The following SLIT2 variants were observed in gnomAD, a reference collection of about 807,000 sequenced individuals.
SLIT2 encodes the protein slit guidance ligand 2.
A neutral mutation model predicts 185.7 loss-of-function variants in SLIT2; 41 were observed. The ratio of observed to expected loss-of-function variants is 0.22; its 90% CI spans 0.17 to 0.29. SLIT2 has a LOEUF of 0.29. SLIT2 is among the 10% of genes least tolerant of loss of function. SLIT2 has a pLI of 1.00. For missense variants in SLIT2, 1,571 were observed against 1,909.0 expected (o/e 0.82, Z 3.30); for synonymous variants, 693 against 680.2 (o/e 1.02, Z -0.29).
At chr4:20,570,737 A>ATATATATATATATATATG (rs1725526242) in intron 29 of SLIT2, among the ~76,000 whole-genome samples, 10 of 77,288 alleles carry the variant, frequency 1.3e-4, no homozygotes, top group Non-Finnish European at 2.0e-4. Context: ...ATATGTATAT[A>ATATATATATATATATATG]TATATATATA....
intron 4 of SLIT2, among the ~76,000 whole-genome samples, chr4:20,451,264 A>G (rs780607873): frequency 6.6e-6 from 1 of 152,074 alleles, no homozygotes; most frequent in Admixed American, 6.5e-5. Context: ...GACATTTTCC[A>G]TGGGGGATAA....
Position 20,396,372 on chromosome 4 carries a change from T to G in SLIT2, c.396-71380T>G, listed in dbSNP as rs562782082. On this transcript the variant is annotated intron_variant, in intron 4 of 36. Transcript: ENST00000504154. ...ATAGCTCATTAATGTTCAGATATTT[T>G]TCTCCACTACCACAAGACTGATCAC... Among the ~76,000 whole-genome samples the G allele has an allele frequency of 5.2e-4, 79 of 151,990 alleles. No individual in the cohort carries two copies. In the South Asian group the frequency reaches 0.014, roughly 28 times the overall value.
At chr4:20,477,294 T>C (rs1716226022) in intron 5 of SLIT2, among the ~76,000 whole-genome samples, 1 of 151,934 alleles carries the variant, frequency 6.6e-6, no homozygotes, top group Non-Finnish European at 1.5e-5. Flanking sequence ...CTCCACCTCC[T>C]GGGTTCAAGC....
At chr4:20,341,093 G>A (rs1358151868) in intron 4 of SLIT2, among the ~76,000 whole-genome samples, 1 of 152,198 alleles carries the variant, frequency 6.6e-6, no homozygotes, top group Non-Finnish European at 1.5e-5. Flanking sequence ...CCAGTGTAGG[G>A]CCTTCAAAAC....
chr4:20,609,031 C>G (rs1578017759), intron 33 of SLIT2, among the ~76,000 whole-genome samples: 1 of 152,074 alleles, frequency 6.6e-6, no homozygotes, highest in African/African-American at 2.4e-5. Flanking sequence ...AACACTGCAC[C>G]GTGTATTGGT....
intron 4 of SLIT2, among the ~76,000 whole-genome samples, chr4:20,327,296 A>T (rs1719674787): frequency 6.6e-6 from 1 of 151,968 alleles, no homozygotes; most frequent in African/African-American, 2.4e-5. Context: ...TCCCCTTCCA[A>T]CTGCTTATTT....
Position 20,442,547 on chromosome 4 carries a change from G to A in SLIT2, c.396-25205G>A, listed in dbSNP as rs866419361. ...TCAAAAAAAAAAAAAAAAAAAAGGG[G>A]GGGGAGGGACCGATTTTATGAAGGT... On this transcript the variant is annotated intron_variant, in intron 4 of 36. Coordinates refer to ENST00000504154, the MANE Select transcript of SLIT2 (RefSeq NM_004787.4). Among the ~76,000 whole-genome samples the A allele has an allele frequency of 3.3e-5, 5 of 151,286 alleles. No homozygotes were observed. The South Asian group carries it at 6.2e-4, about 19-fold the overall frequency.
chr4:20,427,795 C>G (rs1728672094), intron 4 of SLIT2, among the ~76,000 whole-genome samples: 2 of 150,934 alleles, frequency 1.3e-5, no homozygotes, highest in Non-Finnish European at 2.9e-5. Context: ...CTCTTCAGGT[C>G]TTTTTCCCCC....
chr4:20,431,745 C>T (rs972128097), intron 4 of SLIT2, among the ~76,000 whole-genome samples: 4 of 152,158 alleles, frequency 2.6e-5, no homozygotes, highest in Non-Finnish European at 5.9e-5. Flanking sequence ...TTGTTCATTT[C>T]CTCTACTTCA....
rs376169496 is a variant in SLIT2, at chr4:20,555,358, C to A, written c.2725+1390C>A. On this transcript the variant is annotated intron_variant, in intron 26 of 36. Transcript: ENST00000504154. ...TGCAGTGTGAGCTCTGAAGCCCAGC[C>A]TGGCTGGAGCCAAATTCCAGCTTCA... is the stretch of plus-strand genomic sequence containing the variant. 1.9e-4 allele frequency among the ~76,000 whole-genome samples: 29 copies of A among 152,162 alleles called. No individual in the cohort carries two copies. The South Asian group carries it at 5.8e-3, about 30-fold the overall frequency.
intron 5 of SLIT2, among the ~76,000 whole-genome samples, chr4:20,468,234 A>T (rs1484407318): frequency 6.6e-6 from 1 of 152,092 alleles, no homozygotes; most frequent in East Asian, 1.9e-4. Flanking sequence ...TTTCAAGATT[A>T]CTAGAAGTGC....
chr4:20,332,418 G>T (rs929433546), intron 4 of SLIT2, among the ~76,000 whole-genome samples: 2 of 152,200 alleles, frequency 1.3e-5, no homozygotes, highest in African/African-American at 2.4e-5. Context: ...AAGTTAAAAC[G>T]AAATAAAGGG....
chr4:20,535,384 T>C (rs1722180374), intron 18 of SLIT2, among the ~76,000 whole-genome samples: 2 of 151,880 alleles, frequency 1.3e-5, no homozygotes, highest in Admixed American at 1.3e-4. Flanking sequence ...TCTAACCTTT[T>C]CCAGAGTTGT....
chr4:20,278,662 C>T (rs1266219764), intron 4 of SLIT2, among the ~76,000 whole-genome samples: 1 of 151,868 alleles, frequency 6.6e-6, no homozygotes, highest in African/African-American at 2.4e-5. Flanking sequence ...AAACACAAAA[C>T]ATTGTCCAGA....
At chr4:20,309,041 T>G (rs1041518004) in intron 4 of SLIT2, among the ~76,000 whole-genome samples, 4 of 152,166 alleles carry the variant, frequency 2.6e-5, no homozygotes, top group Non-Finnish European at 5.9e-5. Context: ...TTCATCATTA[T>G]TATCATAATT....
At chr4:20,326,186 T>C (rs1273994380) in intron 4 of SLIT2, among the ~76,000 whole-genome samples, 1 of 152,118 alleles carries the variant, frequency 6.6e-6, no homozygotes, top group Non-Finnish European at 1.5e-5. Flanking sequence ...TTAAGGATGA[T>C]TCTGTCTGCA....
Position 20,465,882 on chromosome 4 carries a change from G to C in SLIT2, c.396-1870G>C, listed in dbSNP as rs28515562. Among the ~76,000 whole-genome samples the C allele has an allele frequency of 7.9e-3, 1,198 of 152,154 alleles. 17 individuals carry two copies. The highest frequency in any genetic ancestry group is 0.028 in the African/African-American group (1,148 of 41,530). On this transcript the variant is annotated intron_variant, in intron 4 of 36. Transcript: ENST00000504154. ...TGACATAGCCCCAGCTGTTGGGAAG[G>C]GGAAGGCTGCAGAGCCTAGGAGCAG...
At chr4:20,459,286 T>TA (rs1470912279) in intron 4 of SLIT2, among the ~76,000 whole-genome samples, 1 of 152,140 alleles carries the variant, frequency 6.6e-6, no homozygotes, top group African/African-American at 2.4e-5. Context: ...GAGATGCATA[T>TA]AAATCAAGAA....
chr4:20,276,753 C>T (rs1714207694), intron 4 of SLIT2, among the ~76,000 whole-genome samples: 3 of 152,148 alleles, frequency 2.0e-5, no homozygotes, highest in Non-Finnish European at 2.9e-5. Context: ...AGGTTGATTG[C>T]TTCCCCTCCG....
Sources: gnomAD v4.1 joint callset for allele counts (sites outside exome capture counted in the v4.1 genomes callset) on GRCh38, gnomAD v4.1.1 for gene constraint, MANE v1.5 for transcripts, NCBI Gene and HGNC (gene_info 2026-07-23, HGNC 2026-07-21) for gene names.